ABCC6: variants seen among roughly 807,000 people sequenced by gnomAD.
ABCC6 encodes ATP-binding cassette sub-family C member 6.
ABCC6 carries 126 observed loss-of-function variants against 169.5 expected under a neutral mutation model. The ratio of observed to expected loss-of-function variants is 0.74; its 90% CI spans 0.64 to 0.86. The LOEUF is 0.86. ABCC6 is among the 40% of genes least tolerant of loss of function. The pLI, the probability that ABCC6 is intolerant of heterozygous loss-of-function variation, is 0.00. For missense variants in ABCC6, 1,733 were observed against 1,927.2 expected (o/e 0.90, Z 1.89); for synonymous variants, 752 against 814.7 (o/e 0.92, Z 1.31).
At chr16:16,190,464 ACCAAACTGCGTC>A in intron 11 of ABCC6, 97 bp from the exon 12 acceptor site, 1 of 1,381,986 alleles carries the variant, frequency 7.2e-7, no homozygotes, top group Non-Finnish European at 1.0e-6. Flanking sequence ...CATTCATCTC[ACCAAACTGCGTC>A]CCAAACCTGT....
chr16:16,179,314 A>G (rs573780971), intron 17 of ABCC6, among the ~76,000 whole-genome samples: 6 of 152,096 alleles, frequency 3.9e-5, no homozygotes, highest in African/African-American at 9.6e-5. Context: ...TCCCTCATCC[A>G]GTGGCAGCTT....
At chr16:16,192,779 T>A (rs975121235) in intron 11 of ABCC6, 51 bp downstream of exon 11, 1 of 1,537,276 alleles carries the variant, frequency 6.5e-7, no homozygotes, top group Non-Finnish European at 9.0e-7. Flanking sequence ...CCAGGACCTG[T>A]GGCTTCCTCC....
chr16:16,221,714 G>C lies in ABCC6; in HGVS notation c.154C>G (p.Leu52Val). The change falls in exon 2 of 31, where the codon CTC becomes GTC. Residue 52 changes from leucine (L) to valine (V), a missense_variant. Physicochemically the swap from Leu to Val is conservative, Grantham distance 32 (BLOSUM62 1). Transcript: ENST00000205557. ...MYLWVLGPIY[L>V]LFIHHHGRGY... ...CGGCCATGGTGGTGGATGAAGAGGA[G>C]GTAGATGGGACCAAGGACCCAGAGG... 6.2e-7 allele frequency: 1 copy of C among 1,613,868 alleles called. No individual in the cohort carries two copies. Among genetic ancestry groups the C allele is most frequent in the Non-Finnish European group, 8.5e-7 (1 of 1,179,856 alleles).
Position 16,159,527 on chromosome 16 carries a change from G to T in ABCC6, c.3690C>A (p.Ile1230=), listed in dbSNP as rs368931767. 5 of 1,613,880 alleles carry T rather than the reference G, an allele frequency of 3.1e-6. No homozygotes were observed. In the Admixed American group the frequency reaches 8.3e-5, roughly 27 times the overall value. Residue 1230 remains isoleucine, a synonymous_variant, in exon 26 of 31, where the codon ATC becomes ATA. Coordinates refer to ENST00000205557, the MANE Select transcript of ABCC6 (RefSeq NM_001171.6). The stretch of plus-strand genomic sequence containing the variant: ...AGTCCTGCATCCGCTCCACTGACAC[G>T]ATGCTGTTCTCTAGGTCTGTCCAGT... ...VRNWTDLENS[I]VSVERMQDYA...
chr16:16,182,882 T>G lies in ABCC6; in HGVS notation c.1992A>C (p.Pro664=). Reference sequence around the variant, plus strand: ...GCAGGGAGGACTTCCCTGCCCCCACTGGACCGACAACAGCCAGCAGACAGC... The same window carrying G: ...GCAGGGAGGACTTCCCTGCCCCCACGGGACCGACAACAGCCAGCAGACAGC... ...PQGCLLAVVG[P]VGAGKSSLLS... is the part of the protein sequence containing the mutation. The change falls in exon 16 of 31, where the codon CCA becomes CCC. Residue 664 remains proline (P), a synonymous_variant. Transcript: ENST00000205557. 1 of 1,613,994 alleles carries G rather than the reference T, an allele frequency of 6.2e-7. No homozygotes were observed.
At chr16:16,192,785 C>G (rs771718909) in intron 11 of ABCC6, 45 bp downstream of exon 11, 1 of 1,557,626 alleles carries the variant, frequency 6.4e-7, no homozygotes, top group African/African-American at 1.4e-5. Context: ...CCTGTGGCTT[C>G]CTCCCTACTT....
intron 21 of ABCC6, among the ~76,000 whole-genome samples, chr16:16,170,843 C>T (rs1173611578): frequency 7.5e-5 from 10 of 134,038 alleles, no homozygotes; most frequent in Non-Finnish European, 1.5e-4. Flanking sequence ...CGTTTGAAGC[C>T]AGGAGGTGGA....
At chr16:16,202,451 A>G (rs1036131247) in intron 8 of ABCC6, among the ~76,000 whole-genome samples, 13 of 152,134 alleles carry the variant, frequency 8.5e-5, no homozygotes, top group African/African-American at 3.1e-4. Context: ...CACAAAGTTT[A>G]TATGTTGAAG....
chr16:16,209,862 C>G (rs2048538356), intron 6 of ABCC6, among the ~76,000 whole-genome samples: 1 of 152,088 alleles, frequency 6.6e-6, no homozygotes, highest in Non-Finnish European at 1.5e-5. Flanking sequence ...TCCCAAAGTG[C>G]TAGGACTACA....
In ABCC6 at chr16:16,150,781, GATTGGGACA is replaced by G; in HGVS notation, c.4209-18_4209-10del. 6.2e-7 allele frequency: 1 copy of G among 1,613,070 alleles called. No individual in the cohort carries two copies. Among genetic ancestry groups the G allele is most frequent in the Non-Finnish European group, 8.5e-7 (1 of 1,179,748 alleles). ...GCTGTTTCTGGCCCACGCTGGGAAC[GATTGGGACA>G]ATTAGCTGGGACGTGCGTTTGTCGG... On this transcript the variant is annotated splice_polypyrimidine_tract_variant and intron_variant, in intron 29 of 30. Coordinates refer to ENST00000205557, the MANE Select transcript of ABCC6 (RefSeq NM_001171.6).
chr16:16,206,819 T>C (rs1207052896), intron 7 of ABCC6, among the ~76,000 whole-genome samples: 1 of 152,176 alleles, frequency 6.6e-6, no homozygotes, highest in Non-Finnish European at 1.5e-5. Flanking sequence ...GACTGGATTC[T>C]GCCACTTCCG....
chr16:16,222,675 G>C (rs2049112995), intron 1 of ABCC6, among the ~76,000 whole-genome samples: 2 of 151,984 alleles, frequency 1.3e-5, no homozygotes, highest in South Asian at 4.2e-4. Flanking sequence ...CACCGGCCCA[G>C]CTTGATCTGT....
At chr16:16,207,499 T>C (rs1488936762) in intron 7 of ABCC6, among the ~76,000 whole-genome samples, 3 of 152,100 alleles carry the variant, frequency 2.0e-5, no homozygotes, top group African/African-American at 7.2e-5. Context: ...AGTCCCCTGA[T>C]CCAGCAACAC....
At chr16:16,180,837 C>T (rs1278383757) in intron 17 of ABCC6, among the ~76,000 whole-genome samples, 1 of 152,146 alleles carries the variant, frequency 6.6e-6, no homozygotes, top group African/African-American at 2.4e-5. Flanking sequence ...ACCACTGCCT[C>T]GTTATCATAA....
intron 23 of ABCC6, among the ~76,000 whole-genome samples, chr16:16,163,982 G>A (rs528643822): frequency 1.3e-5 from 2 of 152,220 alleles, no homozygotes; most frequent in East Asian, 3.9e-4. Context: ...TCGGAGTCAA[G>A]TGAACTTAGA....
Position 16,173,393 on chromosome 16 carries a change from G to T in ABCC6, c.2678C>A (p.Ser893Ter), listed in dbSNP as rs1481200467. 1.9e-6 allele frequency: 3 copies of T among 1,614,092 alleles called. No homozygotes were observed. The highest frequency in any genetic ancestry group is 2.5e-6 in the Non-Finnish European group (3 of 1,180,016). The change falls in exon 21 of 31, where the codon TCA becomes TAA. Residue 893 changes from serine (S) to a stop codon, truncating the protein, a stop_gained. Coordinates refer to ENST00000205557, the MANE Select transcript of ABCC6 (RefSeq NM_001171.6). LOFTEE classifies it high-confidence loss of function. ...AGTGGTACGGTCCTTCTCAGGGACT[G>T]ACTTGATGGACCTGTCATTTAGAGG... ...PELRRERSIK[S>*]VPEKDRTTSE...
intron 21 of ABCC6, 68 bp downstream of exon 21, chr16:16,173,216 G>A: frequency 6.2e-7 from 1 of 1,607,000 alleles, no homozygotes; most frequent in Non-Finnish European, 8.5e-7. Flanking sequence ...GCTACATTTG[G>A]TGGGAAGACT....
At chr16:16,165,982 G>A in intron 22 of ABCC6, 49 bp from the exon 23 acceptor site, 1 of 1,585,882 alleles carries the variant, frequency 6.3e-7, no homozygotes, top group Non-Finnish European at 8.6e-7. Context: ...ACCCTCAGGA[G>A]CGGCCCACGG....
At chr16:16,169,478 G>A (rs553331233) in intron 22 of ABCC6, among the ~76,000 whole-genome samples, 168 bp downstream of exon 22, 5 of 152,106 alleles carry the variant, frequency 3.3e-5, no homozygotes, top group Admixed American at 6.5e-5. Flanking sequence ...TGTCCTTCCC[G>A]TTCCCTCCAG....
Sources: gnomAD v4.1 joint callset for allele counts (sites outside exome capture counted in the v4.1 genomes callset) on GRCh38, gnomAD v4.1.1 for gene constraint, MANE v1.5 for transcripts, NCBI Gene and HGNC (gene_info 2026-07-23, HGNC 2026-07-21) for gene names.